Variants in OR1J2 observed in about 807,000 individuals in gnomAD.
OR1J2 encodes the protein olfactory receptor 1J2.
For synonymous variants in OR1J2, 142 were observed against 99.7 expected (o/e 1.42, Z -2.52); for missense variants, 304 against 246.1 (o/e 1.24, Z -1.57).
At chr9:122,544,143 A>T in the OR1J2 span, among the ~76,000 whole-genome samples, 2 of 152,190 alleles carry the variant, frequency 1.3e-5, no homozygotes, top group African/African-American at 4.8e-5. Context: ...GTTGTCAATT[A>T]AAAATAATGA....
At chr9:122,498,669 G>A in the OR1J2 span, among the ~76,000 whole-genome samples, 1 of 152,242 alleles carries the variant, frequency 6.6e-6, no homozygotes, top group South Asian at 2.1e-4. Flanking sequence ...TGGAGATCTA[G>A]TGCAATCCTT....
the OR1J2 span, among the ~76,000 whole-genome samples, chr9:122,497,248 G>A: frequency 6.6e-6 from 1 of 152,176 alleles, no homozygotes; most frequent in East Asian, 1.9e-4. Flanking sequence ...CTTGTAGATA[G>A]TTCTTGGAAC....
At chr9:122,552,826 T>C in the OR1J2 span, among the ~76,000 whole-genome samples, 1 of 146,190 alleles carries the variant, frequency 6.8e-6, no homozygotes, top group Non-Finnish European at 1.5e-5. Context: ...TTGATGGAGA[T>C]CATGCATCTT....
In OR1J2 at chr9:122,511,382, T is replaced by C. The variant is rs1412432169; in HGVS notation, c.581T>C (p.Leu194Pro). ...LLKLSCSDIF[L>P]NELVMFTVGV... The stretch of plus-strand genomic sequence containing the variant: ...AAGCTGTCCTGCTCAGATATCTTCC[T>C]CAATGAGCTGGTCATGTTCACAGTA... The change falls in exon 1 of 1, where the codon CTC (leucine) becomes CCC (proline). Residue 194 changes from leucine to proline, a missense_variant. Transcript: ENST00000335302. 1.3e-6 allele frequency: 1 copy of C among 747,454 alleles called. No homozygotes were observed. The highest frequency in any genetic ancestry group is 2.5e-6 in the Non-Finnish European group (1 of 402,162). The allele number at this position is 747,454 out of a possible 1,614,324, so 46.3% of individuals were successfully genotyped here.
chr9:122,513,592 G>C (rs1396181051), downstream of OR1J2, among the ~76,000 whole-genome samples: 2 of 151,814 alleles, frequency 1.3e-5, no homozygotes, highest in Non-Finnish European at 2.9e-5. Context: ...TTGTTACATA[G>C]GTATACGTGT....
the OR1J2 span, among the ~76,000 whole-genome samples, chr9:122,459,333 G>A: frequency 2.0e-5 from 3 of 152,142 alleles, no homozygotes; most frequent in Non-Finnish European, 4.4e-5. Flanking sequence ...TAGATCATAT[G>A]ACATTTCAGT....
At chr9:122,553,103 C>A in the OR1J2 span, 1 of 1,142,290 alleles carries the variant, frequency 8.8e-7, no homozygotes, top group Non-Finnish European at 1.2e-6. Context: ...TTTTCTTTTT[C>A]TCCCAGCACA....
At chr9:122,517,211 G>A in the OR1J2 span, among the ~76,000 whole-genome samples, 5 of 152,082 alleles carry the variant, frequency 3.3e-5, no homozygotes, top group African/African-American at 1.2e-4. Context: ...TTGAATCTAG[G>A]GCTAATTGCA....
chr9:122,532,853 G>A, the OR1J2 span, among the ~76,000 whole-genome samples: 1 of 152,112 alleles, frequency 6.6e-6, no homozygotes, highest in East Asian at 1.9e-4. Context: ...AAGGAAAGGA[G>A]TTGTTTTGTA....
chr9:122,465,560 C>T, the OR1J2 span, among the ~76,000 whole-genome samples: 1 of 152,120 alleles, frequency 6.6e-6, no homozygotes, highest in East Asian at 1.9e-4. Flanking sequence ...ATTTGAGCTC[C>T]CCAAACTTGT....
At chr9:122,487,974 T>C in the OR1J2 span, among the ~76,000 whole-genome samples, 1 of 152,202 alleles carries the variant, frequency 6.6e-6, no homozygotes, top group East Asian at 1.9e-4. Context: ...TTTATTGAGT[T>C]TGACAATGTC....
the OR1J2 span, among the ~76,000 whole-genome samples, chr9:122,522,135 G>A: frequency 6.6e-6 from 1 of 152,176 alleles, no homozygotes; most frequent in Non-Finnish European, 1.5e-5. Context: ...GCCAGGGCTA[G>A]GATTCGTGAC....
At chr9:122,477,080 G>C in the OR1J2 span, 1 of 1,613,786 alleles carries the variant, frequency 6.2e-7, no homozygotes, top group Non-Finnish European at 8.5e-7. Flanking sequence ...TTCAACATGG[G>C]AGTGACTGCT....
chr9:122,565,788 C>G, the OR1J2 span, among the ~76,000 whole-genome samples: 1 of 152,200 alleles, frequency 6.6e-6, no homozygotes, highest in Non-Finnish European at 1.5e-5. Context: ...ATGGATCATG[C>G]TCTTTGCTTT....
At chr9:122,574,747 G>A in the OR1J2 span, among the ~76,000 whole-genome samples, 1 of 152,022 alleles carries the variant, frequency 6.6e-6, no homozygotes. Context: ...TGGTGAGAGG[G>A]AGCATTCTTA....
the OR1J2 span, among the ~76,000 whole-genome samples, chr9:122,498,569 T>C: frequency 6.6e-6 from 1 of 152,222 alleles, no homozygotes; most frequent in African/African-American, 2.4e-5. Context: ...TTTTCAACCT[T>C]GCCTTGAATC....
the OR1J2 span, among the ~76,000 whole-genome samples, chr9:122,482,971 A>G: frequency 6.6e-6 from 1 of 152,160 alleles, no homozygotes; most frequent in Admixed American, 6.5e-5. Flanking sequence ...ATTGTTAACA[A>G]CATTGTATAT....
At chr9:122,516,654 A>G (rs1203228079), downstream of OR1J2, among the ~76,000 whole-genome samples, 2 of 152,168 alleles carry the variant, frequency 1.3e-5, no homozygotes, top group Non-Finnish European at 2.9e-5. Flanking sequence ...GCATGGCTGA[A>G]TTGGATTCAG....
At chr9:122,497,872 T>C in the OR1J2 span, among the ~76,000 whole-genome samples, 1 of 152,180 alleles carries the variant, frequency 6.6e-6, no homozygotes, top group South Asian at 2.1e-4. Context: ...TTTTGGTATG[T>C]TGTGTCTCTA....
Sources: gnomAD v4.1 joint callset for allele counts (sites outside exome capture counted in the v4.1 genomes callset) on GRCh38, gnomAD v4.1.1 for gene constraint, MANE v1.5 for transcripts, NCBI Gene and HGNC (gene_info 2026-07-23, HGNC 2026-07-21) for gene names.